Variants in LRRK1 observed in about 807,000 individuals in gnomAD.
The protein encoded by LRRK1 is leucine-rich repeat serine/threonine-protein kinase 1.
In LRRK1, 113 loss-of-function variants were observed where a neutral mutation model predicts 209.1. The ratio of observed to expected loss-of-function variants is 0.54; its 90% CI spans 0.46 to 0.63. The LOEUF is 0.63. LRRK1 is among the 30% of genes least tolerant of loss of function. The pLI is 0.00. For missense variants in LRRK1, 2,284 were observed against 2,632.2 expected, an observed-to-expected ratio of 0.87 and a Z score of 2.89; for synonymous variants, 1,144 against 1,099.7, an observed-to-expected ratio of 1.04 and a Z score of -0.80.
At position 100,979,678 on chromosome 15, in the gene LRRK1, A is replaced by T. The variant is rs573375656; in HGVS notation, c.262-3850A>T. On this transcript the variant is annotated intron_variant, in intron 3 of 33. Transcript: ENST00000388948. ...TGAGAGAGGTATTTACAAATCACTT[A>T]TCTGACAAAGGACTCATAGCTAGAA... Among the ~76,000 whole-genome samples the T allele has an allele frequency of 7.9e-5, 12 of 152,360 alleles. No individual in the cohort carries two copies. In the South Asian group the frequency reaches 2.5e-3, roughly 32 times the overall value.
chr15:100,941,667 C>T (rs1282089628), intron 2 of LRRK1, among the ~76,000 whole-genome samples: 1 of 152,172 alleles, frequency 6.6e-6, no homozygotes, highest in African/African-American at 2.4e-5. Flanking sequence ...TGTCTGTGAA[C>T]ACAGCATTTG....
intron 33 of LRRK1, 68 bp downstream of exon 33, chr15:101,066,809 G>C (rs1431372459): frequency 1.6e-6 from 2 of 1,233,638 alleles, no homozygotes; most frequent in African/African-American, 3.0e-5. Flanking sequence ...CTGCAGCCAG[G>C]TCCTGCACAG....
At chr15:101,062,895 C>T (rs1224781612) in intron 31 of LRRK1, among the ~76,000 whole-genome samples, 4 of 152,208 alleles carry the variant, frequency 2.6e-5, no homozygotes, top group African/African-American at 9.7e-5. Flanking sequence ...TAAGTCAAGT[C>T]CCCAGCCAGA....
intron 2 of LRRK1, among the ~76,000 whole-genome samples, chr15:100,950,699 AAAG>A (rs1196494134): frequency 4.6e-5 from 7 of 152,394 alleles, no homozygotes; most frequent in Middle Eastern, 6.8e-3. Context: ...AAGAAAGTGA[AAAG>A]AACCTGTGAA....
intron 12 of LRRK1, among the ~76,000 whole-genome samples, chr15:101,018,829 A>C (rs2033657944): frequency 6.6e-6 from 1 of 152,198 alleles, no homozygotes; most frequent in South Asian, 2.1e-4. Flanking sequence ...ACCTGAGTGA[A>C]AAGAAGGCGG....
chr15:101,050,205 G>A (rs1039266054), intron 23 of LRRK1, among the ~76,000 whole-genome samples: 1 of 152,208 alleles, frequency 6.6e-6, no homozygotes, highest in Admixed American at 6.5e-5. Flanking sequence ...GAGGGGAGCC[G>A]TGGCAGCCAA....
Position 101,022,031 on chromosome 15 carries a change from G to T in LRRK1, c.1852+74G>T. The T allele has an allele frequency of 3.7e-6, 4 of 1,093,350 alleles. No individual in the cohort carries two copies. The South Asian group carries it at 4.2e-5, about 12-fold the overall frequency. 67.7% of individuals were successfully genotyped at this position (1,093,350 alleles called of 1,614,324 possible). ...ACTCCAGTCCACTTGTTAAGTTCTG[G>T]GGGTGGAGACAGTTGGTGACCCATG... On this transcript the variant is annotated intron_variant, in intron 14 of 33. Transcript: ENST00000388948. This position sits in a 1 kb window ranked among gnomAD's most constrained non-coding sequence, Gnocchi z 4.0.
rs567977634 is a variant in LRRK1, at chr15:101,027,151, G to A, written c.2406-110G>A. On this transcript the variant is annotated intron_variant, in intron 17 of 33. Coordinates refer to ENST00000388948, the MANE Select transcript of LRRK1 (RefSeq NM_024652.6). The surrounding 1 kb of genome is among the most constrained non-coding windows in gnomAD (Gnocchi z 5.1). ...AAACTTCTTGTGTTGTCTTTCACGAGTTCTCCAGACTTGCCAGCGTTCAGG... is the reference window on the plus strand; with the variant it reads ...AAACTTCTTGTGTTGTCTTTCACGAATTCTCCAGACTTGCCAGCGTTCAGG... 4 of 1,388,652 alleles carry A rather than the reference G, an allele frequency of 2.9e-6. No individual in the cohort carries two copies. The Admixed American group carries it at 6.3e-5, about 22-fold the overall frequency. The allele number at this position is 1,388,652 out of a possible 1,614,324, so 86.0% of individuals were successfully genotyped here.
chr15:101,003,236 G>A (rs1297677905), intron 6 of LRRK1, among the ~76,000 whole-genome samples: 4 of 152,162 alleles, frequency 2.6e-5, no homozygotes, highest in Admixed American at 6.5e-5. Context: ...TCTATTTTCC[G>A]AGTGTCAACA....
At chr15:101,066,317 T>C in intron 32 of LRRK1, 112 bp downstream of exon 32, 1 of 1,393,540 alleles carries the variant, frequency 7.2e-7, no homozygotes, top group South Asian at 1.4e-5. Flanking sequence ...GGGAGGCAGG[T>C]GCTGTTCTTC....
intron 3 of LRRK1, among the ~76,000 whole-genome samples, chr15:100,981,522 CA>C (rs1352078889): frequency 6.6e-6 from 1 of 152,184 alleles, no homozygotes; most frequent in Non-Finnish European, 1.5e-5. Flanking sequence ...CTCCCACTGC[CA>C]GCCCATTCAC....
chr15:100,970,582 A>G (rs1022224609), intron 2 of LRRK1, among the ~76,000 whole-genome samples: 5 of 152,142 alleles, frequency 3.3e-5, no homozygotes, highest in African/African-American at 1.2e-4. Flanking sequence ...TTCCAACTCC[A>G]TCCTTTCCAA....
At chr15:101,042,544 C>T (rs938764088) in intron 20 of LRRK1, among the ~76,000 whole-genome samples, 2 of 152,070 alleles carry the variant, frequency 1.3e-5, no homozygotes, top group Non-Finnish European at 2.9e-5. Context: ...TTTTACTGCC[C>T]TTACACTCCC....
intron 20 of LRRK1, among the ~76,000 whole-genome samples, chr15:101,032,314 G>A (rs565378479): frequency 6.6e-6 from 1 of 151,564 alleles, no homozygotes; most frequent in South Asian, 2.1e-4. Flanking sequence ...TAAGTTCTAG[G>A]GTACATGTGC....
intron 6 of LRRK1, among the ~76,000 whole-genome samples, chr15:100,991,640 A>G (rs1403352543): frequency 6.6e-6 from 1 of 152,198 alleles, no homozygotes; most frequent in Non-Finnish European, 1.5e-5. Context: ...ACTTTTGGAT[A>G]TATGATCACA....
At chr15:100,999,912 T>C (rs944318281) in intron 6 of LRRK1, among the ~76,000 whole-genome samples, 5 of 152,250 alleles carry the variant, frequency 3.3e-5, no homozygotes, top group African/African-American at 1.2e-4. Flanking sequence ...CAGAAGTGTA[T>C]CTTGTAAGTT....
intron 22 of LRRK1, chr15:101,049,426 A>G (rs1047048596): frequency 2.0e-6 from 1 of 499,518 alleles, no homozygotes; most frequent in African/African-American, 1.9e-5. Flanking sequence ...CCCTGACTGC[A>G]ATCTTCCTCG....
At chr15:100,961,372 T>A (rs1324068130) in intron 2 of LRRK1, among the ~76,000 whole-genome samples, 1 of 152,020 alleles carries the variant, frequency 6.6e-6, no homozygotes, top group Non-Finnish European at 1.5e-5. Context: ...TAGCAGTTGG[T>A]GGCTGGGCGC....
At position 101,023,576 on chromosome 15, in the gene LRRK1, C is replaced by T. The variant is rs779699104; in HGVS notation, c.2067+979C>T. ...GGATTTCTGCCACCCTGTGATTCCTCGGGATCCAAGGGGCAAGAGGCTGCT... is the reference window on the plus strand; with the variant it reads ...GGATTTCTGCCACCCTGTGATTCCTTGGGATCCAAGGGGCAAGAGGCTGCT... On this transcript the variant is annotated intron_variant, in intron 15 of 33. Coordinates refer to ENST00000388948, the MANE Select transcript of LRRK1 (RefSeq NM_024652.6). 1.5e-4 allele frequency among the ~76,000 whole-genome samples: 23 copies of T among 152,250 alleles called. No homozygotes were observed. The Middle Eastern group carries it at 0.017, about 113-fold the overall frequency.
Sources: allele counts gnomAD v4.1 joint callset (sites outside exome capture counted in the v4.1 genomes callset), GRCh38; gene constraint gnomAD v4.1.1; non-coding constraint Gnocchi (gnomAD v3.1); transcripts MANE v1.5; gene names NCBI Gene and HGNC (gene_info 2026-07-23, HGNC 2026-07-21).